Variants in CSMD1 observed in about 807,000 individuals in gnomAD.
CSMD1 encodes the protein CUB and Sushi multiple domains 1.
In CSMD1, 213 loss-of-function variants were observed where a neutral mutation model predicts 417.5. The ratio of observed to expected loss-of-function variants is 0.51; its 90% CI spans 0.46 to 0.57. The LOEUF (loss-of-function observed/expected upper bound fraction) is 0.57. CSMD1 is among the 20% of genes least tolerant of loss of function. The pLI, the probability that CSMD1 is intolerant of heterozygous loss-of-function variation, is 0.00. For missense variants in CSMD1, 6,923 were observed against 4,529.7 expected (o/e 1.53, Z -15.17); for synonymous variants, 2,862 against 1,736.8 (o/e 1.65, Z -16.11).
At chr8:3,313,134 A>T (rs1313301026) in intron 23 of CSMD1, among the ~76,000 whole-genome samples, 1 of 152,242 alleles carries the variant, frequency 6.6e-6, no homozygotes, top group African/African-American at 2.4e-5. Flanking sequence ...TGGATTAAAG[A>T]CTTAAATGTT....
At chr8:3,151,819 C>G (rs1328228042) in intron 39 of CSMD1, among the ~76,000 whole-genome samples, 1 of 152,194 alleles carries the variant, frequency 6.6e-6, no homozygotes, top group Non-Finnish European at 1.5e-5. Context: ...ATCAAATGGA[C>G]TTCAGTATAT....
chr8:3,651,307 T>C (rs758934786), intron 7 of CSMD1, among the ~76,000 whole-genome samples: 4 of 152,276 alleles, frequency 2.6e-5, no homozygotes, highest in African/African-American at 4.8e-5. Flanking sequence ...AATCCTTACA[T>C]TGATTCATAA....
intron 1 of CSMD1, among the ~76,000 whole-genome samples, chr8:4,941,569 T>C (rs1302725467): frequency 2.0e-5 from 3 of 152,084 alleles, no homozygotes; most frequent in East Asian, 1.9e-4. Flanking sequence ...TTTTATCCTG[T>C]TCATGGAAAC....
At chr8:4,524,569 CTTT>C (rs35453060) in intron 2 of CSMD1, among the ~76,000 whole-genome samples, 1 of 117,926 alleles carries the variant, frequency 8.5e-6, no homozygotes, top group Non-Finnish European at 1.7e-5. Flanking sequence ...CACACTTGGT[CTTT>C]TTTTTTTTTT....
intron 3 of CSMD1, among the ~76,000 whole-genome samples, chr8:4,327,932 G>A (rs1799650402): frequency 6.6e-6 from 1 of 152,088 alleles, no homozygotes; most frequent in Non-Finnish European, 1.5e-5. Flanking sequence ...CCACATAATT[G>A]GCACATTTTC....
chr8:2,982,259 G>T (rs1054054654), intron 54 of CSMD1, among the ~76,000 whole-genome samples: 4 of 152,186 alleles, frequency 2.6e-5, no homozygotes, highest in Admixed American at 6.5e-5. Flanking sequence ...AGGAGGCTGA[G>T]GCAGGAGAAT....
intron 5 of CSMD1, among the ~76,000 whole-genome samples, chr8:3,892,310 G>C (rs1049911535): frequency 6.6e-6 from 1 of 152,232 alleles, no homozygotes; most frequent in East Asian, 1.9e-4. Context: ...CTTAATTGCT[G>C]AAAAGGGAAA....
chr8:3,548,656 T>TCACACA (rs1322469479), intron 10 of CSMD1, among the ~76,000 whole-genome samples: 22 of 86,064 alleles, frequency 2.6e-4, no homozygotes, highest in South Asian at 1.5e-3. Context: ...TGGTATTCCA[T>TCACACA]CATACACACA....
intron 3 of CSMD1, among the ~76,000 whole-genome samples, chr8:4,271,503 A>G (rs1311825499): frequency 6.6e-6 from 1 of 152,182 alleles, no homozygotes; most frequent in Non-Finnish European, 1.5e-5. Context: ...AACTGCATCA[A>G]AATCAGGAGA....
chr8:4,315,709 T>G (rs1395868810), intron 3 of CSMD1, among the ~76,000 whole-genome samples: 1 of 152,206 alleles, frequency 6.6e-6, no homozygotes, highest in Non-Finnish European at 1.5e-5. Context: ...GTCATATTTG[T>G]AGGTATAGAT....
At chr8:4,446,759 G>C (rs756571526) in intron 2 of CSMD1, among the ~76,000 whole-genome samples, 6,276 of 46,162 alleles carry the variant, frequency 0.14, 161 homozygotes, top group Middle Eastern at 0.21. Context: ...GTGTGTCTGT[G>C]TGTGTGTGTG....
chr8:3,397,073 A>T (rs1220394202), intron 16 of CSMD1, among the ~76,000 whole-genome samples: 1 of 151,914 alleles, frequency 6.6e-6, no homozygotes, highest in Non-Finnish European at 1.5e-5. Context: ...TATATATATA[A>T]AGTTGCAGCC....
intron 66 of CSMD1, 125 bp downstream of exon 66, chr8:2,950,989 A>T: frequency 1.1e-6 from 1 of 871,164 alleles, no homozygotes; most frequent in Non-Finnish European, 1.7e-6. Flanking sequence ...CCAATGAGTT[A>T]CAGTATATAC....
intron 1 of CSMD1, among the ~76,000 whole-genome samples, chr8:4,885,747 G>T (rs1165069796): frequency 6.6e-6 from 1 of 151,522 alleles, no homozygotes; most frequent in Non-Finnish European, 1.5e-5. Flanking sequence ...AAATAAAAAT[G>T]AAACAATATT....
intron 10 of CSMD1, among the ~76,000 whole-genome samples, chr8:3,532,747 C>T (rs1007546398): frequency 6.6e-6 from 1 of 152,078 alleles, no homozygotes; most frequent in Non-Finnish European, 1.5e-5. Context: ...ATCTATTGAT[C>T]AATATATAGA....
At position 3,637,677 on chromosome 8, in the gene CSMD1, G is replaced by C. The variant is rs192832840; in HGVS notation, c.1010-20880C>G. ...TCCCCCCAACAATCATATGAAACAG[G>C]ATGACAACTGAATTACCTCTGGCAT... On this transcript the variant is annotated intron_variant, in intron 7 of 69. Coordinates refer to ENST00000635120, the MANE Select transcript of CSMD1 (RefSeq NM_033225.6). Among the ~76,000 whole-genome samples the C allele has an allele frequency of 2.8e-3, 423 of 152,276 alleles. 2 individuals carry two copies. The highest frequency in any genetic ancestry group is 9.7e-3 in the African/African-American group (404 of 41,564).
intron 2 of CSMD1, among the ~76,000 whole-genome samples, chr8:4,564,665 C>T (rs71523636): frequency 0.03 from 4,570 of 152,262 alleles, 106 homozygotes; most frequent in Non-Finnish European, 0.046. Flanking sequence ...GCAGATAATT[C>T]TAAAGTCTAT....
chr8:3,559,933 G>C (rs775486908), intron 10 of CSMD1, among the ~76,000 whole-genome samples: 4 of 152,136 alleles, frequency 2.6e-5, no homozygotes, highest in African/African-American at 7.2e-5. Context: ...TTATTGCTCA[G>C]CTGGAGGTGA....
At chr8:3,753,550 C>G (rs1432493444) in intron 6 of CSMD1, among the ~76,000 whole-genome samples, 2 of 152,158 alleles carry the variant, frequency 1.3e-5, no homozygotes, top group Non-Finnish European at 2.9e-5. Context: ...TATTACAATA[C>G]TTTTTGTGCA....
Sources: gnomAD v4.1 joint callset for allele counts (sites outside exome capture counted in the v4.1 genomes callset) on GRCh38, gnomAD v4.1.1 for gene constraint, MANE v1.5 for transcripts, NCBI Gene and HGNC (gene_info 2026-07-23, HGNC 2026-07-21) for gene names.